The following NAV2 variants were observed in gnomAD, a reference collection of about 807,000 sequenced individuals.
NAV2 encodes neuron navigator 2, also known as helicase, APC down-regulated 1.
A neutral mutation model predicts 223.2 loss-of-function variants in NAV2; 54 were observed. The observed-to-expected ratio is 0.24, with a 90% CI of 0.19 to 0.30. NAV2 has a LOEUF of 0.30. Ranked by LOEUF, NAV2 falls within the 10% of genes least tolerant of loss-of-function variation. The pLI is 1.00. For synonymous variants in NAV2, 1,279 were observed against 1,239.3 expected (o/e 1.03, Z -0.67); for missense variants, 2,806 against 3,147.5 (o/e 0.89, Z 2.60).
At chr11:19,714,443 C>G (rs1311297057) in intron 1 of NAV2, 2 of 457,440 alleles carry the variant, frequency 4.4e-6, no homozygotes, top group South Asian at 3.1e-5. Context: ...AAAAGGGGAT[C>G]GCGGGTGGCA....
chr11:19,625,804 G>T (rs2047153310), intron 1 of NAV2, among the ~76,000 whole-genome samples: 1 of 152,018 alleles, frequency 6.6e-6, no homozygotes, highest in Non-Finnish European at 1.5e-5. Context: ...TACTAGTGAT[G>T]TTGAACATTT....
intron 29 of NAV2, 79 bp from the exon 30 acceptor site, chr11:20,095,593 A>T: frequency 1.0e-6 from 1 of 985,948 alleles, no homozygotes. Flanking sequence ...CGGAGTTCTA[A>T]GGCAACCTGA....
chr11:19,446,227 C>G (rs1319788492), intron 1 of NAV2, among the ~76,000 whole-genome samples: 1 of 152,182 alleles, frequency 6.6e-6, no homozygotes, highest in Non-Finnish European at 1.5e-5. Context: ...TCGTTTGAAG[C>G]ACAGGATCAG....
At chr11:19,513,544 T>C (rs2043346312) in intron 1 of NAV2, among the ~76,000 whole-genome samples, 1 of 152,132 alleles carries the variant, frequency 6.6e-6, no homozygotes, top group South Asian at 2.1e-4. Flanking sequence ...TCATGGGCCC[T>C]GTCCCCATGA....
intron 1 of NAV2, among the ~76,000 whole-genome samples, chr11:19,674,452 C>A (rs1253915166): frequency 2.0e-5 from 3 of 152,120 alleles, no homozygotes; most frequent in African/African-American, 7.2e-5. Flanking sequence ...AGCAACGAGC[C>A]CCAAAGGTCA....
chr11:19,753,929 T>G (rs1007132595), intron 1 of NAV2, among the ~76,000 whole-genome samples: 1 of 152,164 alleles, frequency 6.6e-6, no homozygotes, highest in Non-Finnish European at 1.5e-5. Flanking sequence ...GGAGAAAGCT[T>G]GGTGGGTGGA....
At chr11:19,907,364 A>G (rs1007191058) in intron 6 of NAV2, among the ~76,000 whole-genome samples, 2 of 152,120 alleles carry the variant, frequency 1.3e-5, no homozygotes, top group Admixed American at 1.3e-4. Context: ...GTTTTTGAAA[A>G]CCAAGGGACC....
chr11:19,433,967 T>C (rs187072125), intron 1 of NAV2, among the ~76,000 whole-genome samples: 35 of 152,310 alleles, frequency 2.3e-4, no homozygotes, highest in African/African-American at 8.4e-4. Context: ...ATCTGGCCAA[T>C]AGGCAAAGGA....
intron 2 of NAV2, among the ~76,000 whole-genome samples, chr11:19,837,645 C>T (rs958100004): frequency 6.6e-6 from 1 of 151,960 alleles, no homozygotes; most frequent in Admixed American, 6.6e-5. Flanking sequence ...TAAGGAATCT[C>T]AGACAAACCC....
intron 1 of NAV2, among the ~76,000 whole-genome samples, chr11:19,379,332 T>C (rs1363975532): frequency 1.3e-5 from 2 of 152,092 alleles, no homozygotes; most frequent in Non-Finnish European, 1.5e-5. Flanking sequence ...ACTATTAATA[T>C]TTAGAGAATA....
chr11:19,621,917 A>C (rs1392726169), intron 1 of NAV2, among the ~76,000 whole-genome samples: 1 of 152,094 alleles, frequency 6.6e-6, no homozygotes, highest in African/African-American at 2.4e-5. Context: ...CCCTGTAAAC[A>C]CTGCTTTGAA....
chr11:19,626,518 T>C (rs577024836), intron 1 of NAV2, among the ~76,000 whole-genome samples: 2 of 152,352 alleles, frequency 1.3e-5, no homozygotes, highest in East Asian at 3.9e-4. Flanking sequence ...TGGGGTCTTT[T>C]GTGGTTCCAC....
intron 11 of NAV2, among the ~76,000 whole-genome samples, chr11:20,014,022 A>C (rs541431806): frequency 6.6e-6 from 1 of 152,230 alleles, no homozygotes; most frequent in Non-Finnish European, 1.5e-5. Flanking sequence ...GCATCCTACA[A>C]CATGAGGGCT....
rs752199315 is a variant in NAV2 at position 19,948,937 on chromosome 11, G to A, written c.2502G>A (p.Arg834=). 6.2e-7 allele frequency: 1 copy of A among 1,614,002 alleles called. No individual in the cohort carries two copies. The highest frequency in any genetic ancestry group is 1.7e-5 in the Admixed American group (1 of 60,006). Residue 834 remains arginine (R), a synonymous_variant, in exon 10 of 38, where the codon CGG becomes CGA. Transcript: ENST00000349880. ...CTCTGAGAAGGCAGCTGGCCTCCCG[G>A]GGCAGTAGTGTCTGCCATGTGGACG... The part of the protein sequence containing the change: ...SAPLRRQLAS[R]GSSVCHVDVS...
intron 1 of NAV2, among the ~76,000 whole-genome samples, chr11:19,621,571 A>T (rs1034885344): frequency 3.3e-5 from 5 of 152,076 alleles, no homozygotes; most frequent in Admixed American, 1.3e-4. Context: ...CTCTGATGGT[A>T]TTTTGTATTT....
chr11:20,075,926 T>A (rs971626548), intron 22 of NAV2, among the ~76,000 whole-genome samples: 2 of 152,102 alleles, frequency 1.3e-5, no homozygotes, highest in Non-Finnish European at 2.9e-5. Flanking sequence ...CAGCCCACTG[T>A]GTTTCTACTC....
intron 1 of NAV2, among the ~76,000 whole-genome samples, chr11:19,659,604 T>C (rs983890445): frequency 2.0e-5 from 3 of 152,040 alleles, no homozygotes; most frequent in Non-Finnish European, 4.4e-5. Context: ...ACATTGGAGA[T>C]ACAAGTAGGA....
chr11:19,843,438 T>C (rs747516096), intron 3 of NAV2, among the ~76,000 whole-genome samples: 11 of 152,362 alleles, frequency 7.2e-5, no homozygotes, highest in Middle Eastern at 3.4e-3. Context: ...TTGCAAGTGA[T>C]ATTCTCTCTG....
intron 1 of NAV2, among the ~76,000 whole-genome samples, chr11:19,648,823 A>G (rs2047888099): frequency 6.6e-6 from 1 of 152,248 alleles, no homozygotes; most frequent in African/African-American, 2.4e-5. Context: ...TAGAGGAATC[A>G]GATAATACAG....
Sources: allele counts gnomAD v4.1 joint callset (sites outside exome capture counted in the v4.1 genomes callset), GRCh38; gene constraint gnomAD v4.1.1; transcripts MANE v1.5; gene names NCBI Gene and HGNC (gene_info 2026-07-23, HGNC 2026-07-21).